CLSTN2: variants seen among roughly 807,000 people sequenced by gnomAD.
CLSTN2 encodes the protein calsyntenin-2.
A neutral mutation model predicts 101.2 loss-of-function variants in CLSTN2; 48 were observed. That is an observed-to-expected ratio of 0.47 (90% CI 0.38 to 0.60). CLSTN2 has a LOEUF of 0.60. CLSTN2 is among the 20% of genes least tolerant of loss of function. The pLI, the probability that CLSTN2 is intolerant of heterozygous loss-of-function variation, is 0.00. For synonymous variants in CLSTN2, 481 were observed against 463.6 expected (o/e 1.04, Z -0.48); for missense variants, 1,160 against 1,238.2 (o/e 0.94, Z 0.95).
chr3:140,166,846 C>T (rs2010142907), intron 1 of CLSTN2, among the ~76,000 whole-genome samples: 1 of 152,166 alleles, frequency 6.6e-6, no homozygotes, highest in Non-Finnish European at 1.5e-5. Context: ...CATGATATGA[C>T]ACAGCTCAGC....
chr3:140,048,127 A>C (rs2007917283), intron 1 of CLSTN2, among the ~76,000 whole-genome samples: 1 of 152,252 alleles, frequency 6.6e-6, no homozygotes, highest in East Asian at 1.9e-4. Flanking sequence ...AATGGGCATA[A>C]ATTTATCTAA....
chr3:140,482,318 A>T (rs1026894003), intron 8 of CLSTN2, among the ~76,000 whole-genome samples: 2 of 152,186 alleles, frequency 1.3e-5, no homozygotes, highest in African/African-American at 4.8e-5. Context: ...GTGGTGGATA[A>T]GCTTTTTGAT....
chr3:140,446,036 A>G (rs2108007157), intron 5 of CLSTN2, among the ~76,000 whole-genome samples: 1 of 152,286 alleles, frequency 6.6e-6, no homozygotes, highest in Non-Finnish European at 1.5e-5. Flanking sequence ...AACCCCAAGT[A>G]GAAGAAACAA....
chr3:140,520,301 G>T (rs1934998838), intron 8 of CLSTN2, among the ~76,000 whole-genome samples: 2 of 152,156 alleles, frequency 1.3e-5, no homozygotes, highest in African/African-American at 4.8e-5. Flanking sequence ...ATAATGAACT[G>T]CCTGAGACTG....
chr3:140,212,684 C>T (rs2010872760), intron 2 of CLSTN2, among the ~76,000 whole-genome samples: 1 of 152,184 alleles, frequency 6.6e-6, no homozygotes, highest in Admixed American at 6.5e-5. Flanking sequence ...ACAGGTCCTC[C>T]TACCTCCCAC....
intron 1 of CLSTN2, among the ~76,000 whole-genome samples, chr3:140,075,391 T>C (rs2008470045): frequency 6.6e-6 from 1 of 152,232 alleles, no homozygotes; most frequent in South Asian, 2.1e-4. Context: ...GTTTCCTGTT[T>C]GTATTATAAT....
At chr3:140,497,408 C>A (rs577759344) in intron 8 of CLSTN2, among the ~76,000 whole-genome samples, 4 of 152,244 alleles carry the variant, frequency 2.6e-5, no homozygotes, top group Admixed American at 2.0e-4. Context: ...CACGATCTGG[C>A]ACAGCCTCTG....
At chr3:140,361,388 A>G (rs1415101903) in intron 2 of CLSTN2, among the ~76,000 whole-genome samples, 1 of 152,230 alleles carries the variant, frequency 6.6e-6, no homozygotes, top group African/African-American at 2.4e-5. Context: ...GCTTAATGGT[A>G]GAAGATGGAA....
chr3:140,462,432 A>T (rs1271492447), intron 7 of CLSTN2, among the ~76,000 whole-genome samples: 1 of 152,160 alleles, frequency 6.6e-6, no homozygotes, highest in African/African-American at 2.4e-5. Flanking sequence ...ATTTCTTATT[A>T]TTTCAGCCAG....
chr3:140,337,802 C>T (rs189475734), intron 2 of CLSTN2, among the ~76,000 whole-genome samples: 32 of 152,278 alleles, frequency 2.1e-4, no homozygotes, highest in South Asian at 8.3e-4. Flanking sequence ...TCAGCAATGC[C>T]GCCTTCAGAA....
chr3:140,202,910 T>C (rs1034756982), intron 2 of CLSTN2, among the ~76,000 whole-genome samples: 1 of 152,172 alleles, frequency 6.6e-6, no homozygotes, highest in African/African-American at 2.4e-5. Flanking sequence ...TCCATGTGAC[T>C]GAGTTCTGGA....
At chr3:140,008,383 C>T (rs1420966248) in intron 1 of CLSTN2, among the ~76,000 whole-genome samples, 1 of 152,250 alleles carries the variant, frequency 6.6e-6, no homozygotes, top group African/African-American at 2.4e-5. Context: ...TCTGCTCCTG[C>T]AGCCTGCCTT....
intron 1 of CLSTN2, among the ~76,000 whole-genome samples, chr3:140,081,144 G>C (rs866149446): frequency 6.6e-6 from 1 of 152,196 alleles, no homozygotes; most frequent in African/African-American, 2.4e-5. Flanking sequence ...GCAAGTGATG[G>C]TTCTCTGCAA....
chr3:140,005,830 T>C (rs1191448138), intron 1 of CLSTN2, among the ~76,000 whole-genome samples: 1 of 152,186 alleles, frequency 6.6e-6, no homozygotes, highest in Non-Finnish European at 1.5e-5. Flanking sequence ...AATGCCATCA[T>C]CAGCTGGTAA....
intron 2 of CLSTN2, among the ~76,000 whole-genome samples, chr3:140,389,309 C>T (rs2088086745): frequency 6.6e-6 from 1 of 152,178 alleles, no homozygotes; most frequent in South Asian, 2.1e-4. Flanking sequence ...CCCTGACAGG[C>T]CCCAGTGTGT....
At chr3:140,332,299 G>C (rs780133989) in intron 2 of CLSTN2, among the ~76,000 whole-genome samples, 1 of 152,170 alleles carries the variant, frequency 6.6e-6, no homozygotes, top group African/African-American at 2.4e-5. Context: ...ATGTTCTTGC[G>C]TTATCAAACT....
chr3:140,487,021 T>C (rs1435441328), intron 8 of CLSTN2, among the ~76,000 whole-genome samples: 1 of 152,168 alleles, frequency 6.6e-6, no homozygotes, highest in Non-Finnish European at 1.5e-5. Context: ...CAGCCTTGCC[T>C]CAGTATGGAC....
chr3:140,425,207 CT>C (rs2088553591), intron 5 of CLSTN2, among the ~76,000 whole-genome samples: 1 of 152,226 alleles, frequency 6.6e-6, no homozygotes, highest in Admixed American at 6.5e-5. Context: ...TCACCCAGTC[CT>C]TACTGTGGCC....
intron 2 of CLSTN2, among the ~76,000 whole-genome samples, chr3:140,339,529 CT>C (rs1006769281): frequency 3.3e-5 from 5 of 152,110 alleles, no homozygotes; most frequent in Non-Finnish European, 4.4e-5. Flanking sequence ...GCTTAAAAAG[CT>C]ACCAATTTCC....
Sources: allele counts gnomAD v4.1 joint callset (sites outside exome capture counted in the v4.1 genomes callset), GRCh38; gene constraint gnomAD v4.1.1; transcripts MANE v1.5; gene names NCBI Gene and HGNC (gene_info 2026-07-23, HGNC 2026-07-21).